The following TEX15 variants were observed in gnomAD, a reference collection of about 807,000 sequenced individuals.
The protein encoded by TEX15 is testis expressed 15, meiosis and synapsis associated.
Under a neutral mutation model 237.3 loss-of-function variants are expected in TEX15, and 171 were observed. That is an observed-to-expected ratio of 0.72 (90% CI 0.64 to 0.82). The LOEUF (loss-of-function observed/expected upper bound fraction) is 0.82. Ranked by LOEUF, TEX15 falls within the 40% of genes least tolerant of loss-of-function variation. The pLI is 0.00. For missense variants in TEX15, 3,750 were observed against 3,646.5 expected, an observed-to-expected ratio of 1.03 and a Z score of -0.73; for synonymous variants, 1,338 against 1,269.8, an observed-to-expected ratio of 1.05 and a Z score of -1.14.
At chr8:30,892,487 A>G (rs1400950790) in intron 2 of TEX15, among the ~76,000 whole-genome samples, 1 of 152,224 alleles carries the variant, frequency 6.6e-6, no homozygotes, top group Non-Finnish European at 1.5e-5. Context: ...CTATCTAACA[A>G]TAAATCTTGT....
intron 4 of TEX15, among the ~76,000 whole-genome samples, chr8:30,874,013 C>A (rs323376): frequency 0.36 from 54,623 of 152,034 alleles, 15,065 homozygotes; most frequent in African/African-American, 0.77. Flanking sequence ...ACCAAAGAAC[C>A]GTGTCAGGAA....
intron 9 of TEX15, among the ~76,000 whole-genome samples, chr8:30,838,703 C>T (rs1273416877): frequency 1.4e-5 from 2 of 146,230 alleles, no homozygotes; most frequent in Non-Finnish European, 3.0e-5. Flanking sequence ...TATATACACA[C>T]ACACACACAC....
chr8:30,849,121 C>G lies in TEX15; in HGVS notation c.1046G>C (p.Gly349Ala). 6.3e-7 allele frequency: 1 copy of G among 1,599,958 alleles called. No homozygotes were observed. The highest frequency in any genetic ancestry group is 1.3e-5 in the African/African-American group (1 of 74,696). ...GTATGTTTCAGGTATAGAAATGTTT[C>G]CATTTTGTACATTTCCATAGGAGTT... ...ISNSYGNVQNGNISIPETYSG... is the reference protein window; with the variant it reads ...ISNSYGNVQNANISIPETYSG... The change falls in exon 8 of 11, where the codon GGA becomes GCA. Residue 349 changes from glycine (G) to alanine (A), a missense_variant. By Grantham distance (60) the Gly-to-Ala change is moderately conservative (BLOSUM62 0). Coordinates refer to ENST00000643185, the MANE Select transcript of TEX15 (RefSeq NM_001350162.2).
At position 30,887,193 on chromosome 8, in the gene TEX15, G is replaced by A; in HGVS notation, c.110C>T (p.Pro37Leu). The change falls in exon 3 of 11, where the codon CCT becomes CTT. Residue 37 changes from proline (P) to leucine (L), a missense_variant. Pro to Leu is a moderately conservative substitution (Grantham distance 98, BLOSUM62 -3). Transcript: ENST00000643185. Reference protein sequence around the residue: ...EVNPLKKFTIPKIRRTAEKVY... With the variant: ...EVNPLKKFTILKIRRTAEKVY... ...TTTCTCAGCTGTCCTCCTGATCTTA[G>A]GAATGGTGAATTTCTTCAAAGGATT... 2 of 1,534,778 alleles carry A rather than the reference G, an allele frequency of 1.3e-6. No individual in the cohort carries two copies. The highest frequency in any genetic ancestry group is 1.7e-6 in the Non-Finnish European group (2 of 1,146,538).
chr8:30,845,615 G>A lies in TEX15; in HGVS notation c.4552C>T (p.Gln1518Ter). 3 of 1,613,582 alleles carry A rather than the reference G, an allele frequency of 1.9e-6. No individual in the cohort carries two copies. The highest frequency in any genetic ancestry group is 2.5e-6 in the Non-Finnish European group (3 of 1,179,618). The change falls in exon 8 of 11, where the codon CAG becomes TAG. Residue 1518 changes from glutamine to a stop codon, truncating the protein, a stop_gained. Transcript: ENST00000643185. LOFTEE classifies it high-confidence loss of function. ...TGGGATGTGGAGGATACAGGCAACTGTGATTCAGGATGTTCTTGATTACAA... is the reference window on the plus strand; with the variant it reads ...TGGGATGTGGAGGATACAGGCAACTATGATTCAGGATGTTCTTGATTACAA... Reference protein sequence around the residue: ...EFCNQEHPESQLPVSSTSQST... With the variant: ...EFCNQEHPES
At chr8:30,866,800 G>A (rs60908836) in intron 5 of TEX15, among the ~76,000 whole-genome samples, 356 of 151,836 alleles carry the variant, frequency 2.3e-3, no homozygotes, top group African/African-American at 8.2e-3. Context: ...TTTTCTTAAC[G>A]TTAACATCTT....
chr8:30,905,156 G>C (rs1046576746), intron 1 of TEX15, among the ~76,000 whole-genome samples: 3 of 151,574 alleles, frequency 2.0e-5, no homozygotes, highest in Admixed American at 1.3e-4. Flanking sequence ...TAACAAACAG[G>C]CTTCTCAAAA....
Position 30,881,610 on chromosome 8 carries a change from C to CTTTTTTTTTTTTT in TEX15, c.136+5556_136+5557insAAAAAAAAAAAAA, listed in dbSNP as rs1164594718. ...TTCATTAATTATCCTTCCATCTTGACTTTTTATTTTTTTTTATTATTTTTT... is the reference window on the plus strand; with the variant it reads ...TTCATTAATTATCCTTCCATCTTGACTTTTTTTTTTTTTTTTTTATTTTTTTTTATTATTTTTT... On this transcript the variant is annotated intron_variant, in intron 3 of 10. Coordinates refer to ENST00000643185, the MANE Select transcript of TEX15 (RefSeq NM_001350162.2). Among the ~76,000 whole-genome samples the CTTTTTTTTTTTTT allele has an allele frequency of 7.1e-4, 78 of 109,452 alleles. 18 individuals are homozygous for CTTTTTTTTTTTTT. Among genetic ancestry groups the CTTTTTTTTTTTTT allele is most frequent in the Middle Eastern group, 4.1e-3 (1 of 244 alleles). The allele number at this position is 109,452 out of a possible 152,430, so 71.8% of individuals were successfully genotyped here.
At chr8:30,849,345 G>A in intron 7 of TEX15, 29 bp from the exon 8 acceptor site, 1 of 1,375,492 alleles carries the variant, frequency 7.3e-7, no homozygotes. Flanking sequence ...AGACAAATTT[G>A]AAAAAAAGTG....
chr8:30,898,413 G>A (rs1808947413), intron 2 of TEX15, among the ~76,000 whole-genome samples: 1 of 152,090 alleles, frequency 6.6e-6, no homozygotes, highest in Non-Finnish European at 1.5e-5. Flanking sequence ...CTATGAGAAA[G>A]CACCCATCAT....
At chr8:30,854,499 G>A (rs1309431838) in intron 7 of TEX15, among the ~76,000 whole-genome samples, 1 of 152,030 alleles carries the variant, frequency 6.6e-6, no homozygotes, top group Non-Finnish European at 1.5e-5. Flanking sequence ...ATGAGTAATT[G>A]AATACTACCC....
chr8:30,852,431 T>C (rs1807809345), intron 7 of TEX15, among the ~76,000 whole-genome samples: 1 of 152,172 alleles, frequency 6.6e-6, no homozygotes, highest in African/African-American at 2.4e-5. Flanking sequence ...ATTTTACTGA[T>C]GAGGAAGTGA....
intron 5 of TEX15, among the ~76,000 whole-genome samples, chr8:30,865,217 AAAG>A: frequency 6.6e-6 from 1 of 152,110 alleles, no homozygotes; most frequent in Admixed American, 6.6e-5. Context: ...GGAAAACCCA[AAAG>A]AAATAGATAC....
intron 2 of TEX15, among the ~76,000 whole-genome samples, chr8:30,888,939 C>G (rs942680035): frequency 4.6e-5 from 7 of 152,184 alleles, no homozygotes; most frequent in Admixed American, 4.6e-4. Context: ...TGCTTTCTAA[C>G]AAGAATACTC....
chr8:30,845,939 CCTTT>C lies in TEX15; in HGVS notation c.4224_4227del (p.Lys1409AlafsTer9), dbSNP rs1200681784. On this transcript the variant is annotated frameshift_variant, in exon 8 of 11. Transcript: ENST00000643185. LOFTEE classifies it high-confidence loss of function. ...ATTGCATATGATTTTGGTAATGGGCCCTTTCTTTCTTCTCCTACTTTAGTTATAA... is the reference window on the plus strand; with the variant it reads ...ATTGCATATGATTTTGGTAATGGGCCCTTTCTTCTCCTACTTTAGTTATAA... The C allele has an allele frequency of 4.3e-6, 7 of 1,612,950 alleles. No homozygotes were observed. The highest frequency in any genetic ancestry group is 1.7e-5 in the Admixed American group (1 of 59,898).
chr8:30,842,183 C>A lies in TEX15; in HGVS notation c.7984G>T (p.Val2662Leu). The A allele has an allele frequency of 4.3e-6, 7 of 1,612,358 alleles. No homozygotes were observed. The highest frequency in any genetic ancestry group is 5.9e-6 in the Non-Finnish European group (7 of 1,179,386). ...TTATTGTTATTTTCCCCAGGTTTTA[C>A]AATATGAATATTCATTTTTTCTTTT... ...KRKEKMNIHI[V>L]KPGENNNKFS... The change falls in exon 8 of 11, where the codon GTA becomes TTA. Residue 2662 changes from valine (V) to leucine (L), a missense_variant. Val to Leu is a conservative substitution (Grantham distance 32). Coordinates refer to ENST00000643185, the MANE Select transcript of TEX15 (RefSeq NM_001350162.2).
chr8:30,906,375 G>C (rs910615626), intron 1 of TEX15, among the ~76,000 whole-genome samples: 1 of 152,024 alleles, frequency 6.6e-6, no homozygotes, highest in Admixed American at 6.6e-5. Flanking sequence ...CATGAGGTCA[G>C]GAGATCAAGA....
rs369274075 is a variant in TEX15 at position 30,843,268 on chromosome 8, A to G, written c.6899T>C (p.Leu2300Pro). 4.5e-5 allele frequency: 73 copies of G among 1,612,424 alleles called. No individual in the cohort carries two copies. The Middle Eastern group carries it at 6.6e-4, about 15-fold the overall frequency. The part of the protein sequence containing the change: ...KYSQKKDEER[L>P]LRVNKCAFSK... ...AAAGGCACATTTATTCACTCTGAGT[A>G]GCCTTTCTTCGTCCTTCTTTTGTGA... Residue 2300 changes from leucine (L) to proline (P), a missense_variant, in exon 8 of 11, where the codon CTA (leucine) becomes CCA (proline). Coordinates refer to ENST00000643185, the MANE Select transcript of TEX15 (RefSeq NM_001350162.2).
chr8:30,841,849 GAATT>G (rs1807461863), intron 8 of TEX15, among the ~76,000 whole-genome samples, 151 bp downstream of exon 8: 2 of 152,106 alleles, frequency 1.3e-5, no homozygotes, highest in Non-Finnish European at 2.9e-5. Flanking sequence ...TAGATAATAT[GAATT>G]GTTTAAATCA....
Sources: gnomAD v4.1 joint callset for allele counts (sites outside exome capture counted in the v4.1 genomes callset) on GRCh38, gnomAD v4.1.1 for gene constraint, MANE v1.5 for transcripts, NCBI Gene and HGNC (gene_info 2026-07-23, HGNC 2026-07-21) for gene names.